The following BTBD9 variants were observed in gnomAD, a reference collection of about 807,000 sequenced individuals.
BTBD9 encodes the protein BTB/POZ domain-containing protein 9.
In BTBD9, 49 loss-of-function variants were observed where a neutral mutation model predicts 64.3. The ratio of observed to expected loss-of-function variants is 0.76; its 90% confidence interval spans 0.61 to 0.97. The LOEUF (loss-of-function observed/expected upper bound fraction) is 0.97. Among genes scored for constraint, BTBD9 ranks in the 50% least tolerant of loss-of-function variants. The pLI is 0.00. For missense variants in BTBD9, 598 were observed against 762.1 expected, an observed-to-expected ratio of 0.78 and a Z score of 2.53; for synonymous variants, 260 against 274.7, an observed-to-expected ratio of 0.95 and a Z score of 0.53.
chr6:38,434,023 G>A (rs1320162125), intron 6 of BTBD9, among the ~76,000 whole-genome samples: 4 of 151,934 alleles, frequency 2.6e-5, no homozygotes, highest in Admixed American at 6.5e-5. Context: ...CTCAGCAGAT[G>A]AGTTTTACTT....
intron 6 of BTBD9, among the ~76,000 whole-genome samples, chr6:38,439,461 C>T (rs1208382364): frequency 6.6e-6 from 1 of 150,622 alleles, no homozygotes; most frequent in Non-Finnish European, 1.5e-5. Flanking sequence ...GAGTCACACT[C>T]TGTTGCCCAG....
chr6:38,582,657 A>G (rs1776345156), intron 4 of BTBD9, among the ~76,000 whole-genome samples: 1 of 152,182 alleles, frequency 6.6e-6, no homozygotes. Context: ...GAAAGAAACA[A>G]ATAGTATGAT....
chr6:38,287,421 AG>A (rs1761784968), intron 8 of BTBD9, among the ~76,000 whole-genome samples: 1 of 152,086 alleles, frequency 6.6e-6, no homozygotes, highest in Admixed American at 6.6e-5. Flanking sequence ...CTGAGATTAC[AG>A]GCATGAGGCA....
chr6:38,412,569 A>G (rs1273711644), intron 6 of BTBD9, among the ~76,000 whole-genome samples: 2 of 151,954 alleles, frequency 1.3e-5, no homozygotes, highest in Non-Finnish European at 2.9e-5. Flanking sequence ...AAAAAAAAAA[A>G]AAAGTCTGAC....
Position 38,349,522 on chromosome 6 carries a change from T to C in BTBD9, c.1155-4429A>G, listed in dbSNP as rs1306397506. On this transcript the variant is annotated intron_variant, in intron 6 of 10. Transcript: ENST00000481247. ...TGCATTCCCATAACTTTTCACAGTATATTGTTATAATTGTTCTATTTTATT... is the reference window on the plus strand; with the variant it reads ...TGCATTCCCATAACTTTTCACAGTACATTGTTATAATTGTTCTATTTTATT... 2.0e-5 allele frequency among the ~76,000 whole-genome samples: 3 copies of C among 152,182 alleles called. No homozygotes were observed. In the East Asian group the frequency reaches 5.8e-4, roughly 29 times the overall value.
chr6:38,419,825 G>A (rs866493296), intron 6 of BTBD9, among the ~76,000 whole-genome samples: 3 of 151,986 alleles, frequency 2.0e-5, no homozygotes, highest in Admixed American at 2.0e-4. Context: ...AGCCGAGATC[G>A]CGACACTGCA....
At chr6:38,241,086 A>T (rs1390125825) in intron 9 of BTBD9, among the ~76,000 whole-genome samples, 1 of 152,162 alleles carries the variant, frequency 6.6e-6, no homozygotes, top group Non-Finnish European at 1.5e-5. Context: ...AGCATACCCT[A>T]AAGAAAAGAC....
intron 2 of BTBD9, among the ~76,000 whole-genome samples, chr6:38,594,791 T>C (rs1177738329): frequency 6.6e-6 from 1 of 152,222 alleles, no homozygotes; most frequent in East Asian, 1.9e-4. Context: ...TGGAAAAACA[T>C]GTTCTTTGAT....
At position 38,455,742 on chromosome 6, in the gene BTBD9, CTT is replaced by C. The variant is rs1321550546; in HGVS notation, c.1155-110651_1155-110650del. On this transcript the variant is annotated intron_variant, in intron 6 of 10. Coordinates refer to ENST00000481247, the MANE Select transcript of BTBD9 (RefSeq NM_001099272.2). ...TTTGTTTCTGAGAAGGAGTTTTACT[CTT>C]GTTTCCCAGGCTGGAGTGCAATGGC... 1.2e-4 allele frequency among the ~76,000 whole-genome samples: 18 copies of C among 152,296 alleles called. No homozygotes were observed. The South Asian group carries it at 1.2e-3, about 11-fold the overall frequency.
chr6:38,396,941 G>A (rs576418112), intron 6 of BTBD9, among the ~76,000 whole-genome samples: 4 of 119,810 alleles, frequency 3.3e-5, no homozygotes, highest in Admixed American at 2.4e-4. Flanking sequence ...TCACTCTGTC[G>A]TCCAGCCTGG....
intron 8 of BTBD9, among the ~76,000 whole-genome samples, chr6:38,284,104 A>C (rs73420800): frequency 0.015 from 2,310 of 152,256 alleles, 64 homozygotes; most frequent in African/African-American, 0.052. Flanking sequence ...GTTCCTGACA[A>C]CATAATGTTA....
intron 1 of BTBD9, among the ~76,000 whole-genome samples, chr6:38,600,703 A>C (rs962619498): frequency 1.3e-5 from 2 of 152,166 alleles, no homozygotes; most frequent in African/African-American, 2.4e-5. Context: ...TAATACTCAT[A>C]TTACTTACTA....
At chr6:38,244,595 A>T (rs772407327) in intron 9 of BTBD9, among the ~76,000 whole-genome samples, 1 of 152,180 alleles carries the variant, frequency 6.6e-6, no homozygotes, top group African/African-American at 2.4e-5. Context: ...GCTGGAAAAG[A>T]GTTTTAAAAG....
At chr6:38,267,130 G>A (rs1330742986) in intron 8 of BTBD9, among the ~76,000 whole-genome samples, 1 of 152,210 alleles carries the variant, frequency 6.6e-6, no homozygotes, top group Non-Finnish European at 1.5e-5. Context: ...CAGACGATAG[G>A]GCTTAGCTCC....
At chr6:38,627,716 A>C (rs1338046021) in intron 1 of BTBD9, among the ~76,000 whole-genome samples, 1 of 152,150 alleles carries the variant, frequency 6.6e-6, no homozygotes, top group Admixed American at 6.5e-5. Context: ...CCATTTTTAT[A>C]AATTACCTCC....
At chr6:38,399,048 G>A (rs908437101) in intron 6 of BTBD9, among the ~76,000 whole-genome samples, 2 of 152,178 alleles carry the variant, frequency 1.3e-5, no homozygotes, top group Non-Finnish European at 2.9e-5. Context: ...CAGTCCTTAT[G>A]ATATAATAGC....
intron 1 of BTBD9, among the ~76,000 whole-genome samples, chr6:38,617,984 C>A (rs1401859485): frequency 6.6e-6 from 1 of 152,196 alleles, no homozygotes; most frequent in Non-Finnish European, 1.5e-5. Flanking sequence ...TAAATCTGAC[C>A]TTCCTCGGTC....
Position 38,580,551 on chromosome 6 carries a change from G to A in BTBD9, c.815-114C>T, listed in dbSNP as rs1328536474. ...ATTCTAGTATCTGCATTTAAGAACA[G>A]CATAGACAAGTTTATTGGATAGAAA... On this transcript the variant is annotated intron_variant, in intron 4 of 10. Transcript: ENST00000481247. The A allele has an allele frequency of 9.3e-6, 8 of 855,702 alleles. No individual in the cohort carries two copies. The South Asian group carries it at 1.2e-4, about 13-fold the overall frequency. The allele number at this position is 855,702 out of a possible 1,614,324, so 53.0% of individuals were successfully genotyped here.
chr6:38,578,053 G>A (rs1776131870), intron 5 of BTBD9, among the ~76,000 whole-genome samples: 1 of 152,160 alleles, frequency 6.6e-6, no homozygotes, highest in South Asian at 2.1e-4. Context: ...TGGTCAGGAT[G>A]TCTCACCTAT....
Sources: gnomAD v4.1 joint callset for allele counts (sites outside exome capture counted in the v4.1 genomes callset) on GRCh38, gnomAD v4.1.1 for gene constraint, MANE v1.5 for transcripts, NCBI Gene and HGNC (gene_info 2026-07-23, HGNC 2026-07-21) for gene names.